Variants in CSRP2 observed in about 807,000 individuals in gnomAD.
CSRP2 encodes the protein cysteine and glycine rich protein 2.
In CSRP2, 18 loss-of-function variants were observed where a neutral mutation model predicts 24.6. The observed-to-expected ratio is 0.73, with a 90% CI of 0.51 to 1.09. The LOEUF is 1.09. CSRP2 is among the 50% of genes least tolerant of loss of function. CSRP2 has a pLI of 0.00. For synonymous variants in CSRP2, 87 were observed against 84.3 expected (o/e 1.03, Z -0.18); for missense variants, 215 against 239.4 (o/e 0.90, Z 0.67).
At chr12:76,867,332 TAAAAAAAAA>T (rs33997080) in intron 1 of CSRP2, among the ~76,000 whole-genome samples, 1 of 100,162 alleles carries the variant, frequency 1.0e-5, no homozygotes, top group South Asian at 3.5e-4. Flanking sequence ...CTGCTAAATT[TAAAAAAAAA>T]AAAAAAAAAA....
intron 1 of CSRP2, among the ~76,000 whole-genome samples, chr12:76,870,037 G>T (rs1432265737): frequency 6.6e-6 from 1 of 152,154 alleles, no homozygotes; most frequent in African/African-American, 2.4e-5. Flanking sequence ...AGGCCTCCAG[G>T]TAATGACACT....
At chr12:76,868,066 A>G (rs1319346886) in intron 1 of CSRP2, among the ~76,000 whole-genome samples, 2 of 152,140 alleles carry the variant, frequency 1.3e-5, no homozygotes, top group Non-Finnish European at 2.9e-5. Flanking sequence ...TCTTTCTTAG[A>G]CCATGTGGTT....
intron 4 of CSRP2, 84 bp downstream of exon 4, chr12:76,860,200 C>T (rs1953661215): frequency 7.0e-7 from 1 of 1,419,142 alleles, no homozygotes; most frequent in African/African-American, 1.4e-5. Context: ...AAGACATCAC[C>T]CAAGCAAGGA....
chr12:76,878,709 G>T (rs1229448893), intron 1 of CSRP2, among the ~76,000 whole-genome samples: 9 of 152,238 alleles, frequency 5.9e-5, no homozygotes, highest in Admixed American at 5.2e-4. Flanking sequence ...TGGCCTGGAC[G>T]GCCTCGGGGA....
At chr12:76,863,038 T>C (rs1953699637) in intron 3 of CSRP2, 138 bp downstream of exon 3, 5 of 1,437,404 alleles carry the variant, frequency 3.5e-6, no homozygotes, top group South Asian at 1.5e-5. Flanking sequence ...TTTGAACTAG[T>C]TGACATTAGA....
At chr12:76,877,913 T>TTTA in intron 1 of CSRP2, among the ~76,000 whole-genome samples, 1 of 152,160 alleles carries the variant, frequency 6.6e-6, no homozygotes, top group South Asian at 2.1e-4. Context: ...AAGAACTAAA[T>TTTA]ACGACGATTT....
At chr12:76,875,966 C>T (rs182877693) in intron 1 of CSRP2, among the ~76,000 whole-genome samples, 41 of 152,260 alleles carry the variant, frequency 2.7e-4, no homozygotes, top group African/African-American at 9.9e-4. Context: ...CAATAAAATT[C>T]CAATTCAAAA....
chr12:76,877,367 A>T (rs1953862457), intron 1 of CSRP2, among the ~76,000 whole-genome samples: 1 of 152,262 alleles, frequency 6.6e-6, no homozygotes, highest in Non-Finnish European at 1.5e-5. Context: ...TACCAGTATC[A>T]ATCAATATTT....
Position 76,863,224 on chromosome 12 carries a change from C to T in CSRP2, c.233G>A (p.Gly78Asp). ...CTCGCCACGGTCCATGTTAAGCGTG[C>T]CAGCGCCCTGGCCATAACCGTAGCC... ...PKGYGYGQGAGTLNMDRGERL... is the reference protein window; with the variant it reads ...PKGYGYGQGADTLNMDRGERL... The change falls in exon 3 of 6, where the codon GGC becomes GAC. Residue 78 changes from glycine (G) to aspartate (D), a missense_variant. By Grantham distance (94) the Gly-to-Asp change is moderately conservative (BLOSUM62 -1). Coordinates refer to ENST00000311083, the MANE Select transcript of CSRP2 (RefSeq NM_001321.3). The T allele has an allele frequency of 2.5e-6, 4 of 1,614,184 alleles. No individual in the cohort carries two copies. Among genetic ancestry groups the T allele is most frequent in the Non-Finnish European group, 3.4e-6 (4 of 1,180,022 alleles).
chr12:76,863,802 CCAAGTACTGTTAAATCA>C (rs1953708158), intron 2 of CSRP2: 1 of 152,796 alleles, frequency 6.5e-6, no homozygotes, highest in East Asian at 1.9e-4. Flanking sequence ...CTTCTCTTAA[CCAAGTACTGTTAAATCA>C]CAACCTAATA....
At chr12:76,875,442 A>G (rs1476769070) in intron 1 of CSRP2, among the ~76,000 whole-genome samples, 1 of 152,204 alleles carries the variant, frequency 6.6e-6, no homozygotes, top group Non-Finnish European at 1.5e-5. Context: ...CCATATTGTA[A>G]TTAAAATGCA....
intron 3 of CSRP2, chr12:76,862,842 A>G (rs1424240445): frequency 6.6e-7 from 1 of 1,523,410 alleles, no homozygotes; most frequent in Non-Finnish European, 8.7e-7. Flanking sequence ...CATGATTCAC[A>G]CAGCACATTT....
chr12:76,859,666 G>A, intron 4 of CSRP2, 26 bp from the exon 5 acceptor site: 1 of 1,553,040 alleles, frequency 6.4e-7, no homozygotes, highest in Non-Finnish European at 8.9e-7. Context: ...GTGTCAGCAT[G>A]TTTGAGAGGC....
intron 1 of CSRP2, among the ~76,000 whole-genome samples, chr12:76,867,800 GAAACAGAGTGCTACTAAGTAGA>G (rs554683563): frequency 3.1e-3 from 477 of 152,254 alleles, no homozygotes; most frequent in African/African-American, 0.011. Context: ...AAAGAGAAGG[GAAACAGAGTGCTACTAAGTAGA>G]AAAGATTAAA....
At chr12:76,865,145 C>T (rs148500000) in intron 2 of CSRP2, among the ~76,000 whole-genome samples, 48 of 152,276 alleles carry the variant, frequency 3.2e-4, no homozygotes, top group African/African-American at 1.1e-3. Context: ...TTTAGTAAAA[C>T]AAATGTCAAC....
intron 1 of CSRP2, among the ~76,000 whole-genome samples, chr12:76,877,681 C>A (rs901660795): frequency 8.5e-5 from 13 of 152,168 alleles, no homozygotes; most frequent in African/African-American, 3.1e-4. Flanking sequence ...TGGACGAGAG[C>A]GATGACCCCA....
intron 1 of CSRP2, among the ~76,000 whole-genome samples, chr12:76,871,309 C>T (rs1271564863): frequency 6.6e-6 from 1 of 152,204 alleles, no homozygotes; most frequent in East Asian, 1.9e-4. Flanking sequence ...GCTATCAGTA[C>T]TCTAGTAGGA....
chr12:76,862,077 TAC>T (rs1451986161), intron 3 of CSRP2: 1 of 152,234 alleles, frequency 6.6e-6, no homozygotes, highest in Non-Finnish European at 1.5e-5. Flanking sequence ...TTGTGAGGAT[TAC>T]ACGAGTTAAC....
intron 4 of CSRP2, among the ~76,000 whole-genome samples, chr12:76,859,910 C>T (rs568730640): frequency 1.5e-4 from 23 of 152,316 alleles, no homozygotes; most frequent in Middle Eastern, 3.4e-3. Flanking sequence ...CCAAGAACAG[C>T]GCAGCTCAAA....
Sources: gnomAD v4.1 joint callset for allele counts (sites outside exome capture counted in the v4.1 genomes callset) on GRCh38, gnomAD v4.1.1 for gene constraint, MANE v1.5 for transcripts, NCBI Gene and HGNC (gene_info 2026-07-23, HGNC 2026-07-21) for gene names.